CAMK1D: variants seen among roughly 807,000 people sequenced by gnomAD.
CAMK1D encodes calcium/calmodulin dependent protein kinase ID.
CAMK1D carries 9 observed loss-of-function variants against 47.7 expected under a neutral mutation model. That is an observed-to-expected ratio of 0.19 (90% confidence interval 0.11 to 0.33). The LOEUF (loss-of-function observed/expected upper bound fraction) is 0.33. Ranked by LOEUF, CAMK1D falls within the 10% of genes least tolerant of loss-of-function variation. The pLI is 1.00. For synonymous variants in CAMK1D, 184 were observed against 184.9 expected, an observed-to-expected ratio of 0.99 and a Z score of 0.04; for missense variants, 291 against 488.7, an observed-to-expected ratio of 0.60 and a Z score of 3.81.
intron 1 of CAMK1D, among the ~76,000 whole-genome samples, chr10:12,487,656 C>T (rs768787860): frequency 2.0e-5 from 3 of 152,224 alleles, no homozygotes; most frequent in African/African-American, 4.8e-5. Context: ...AAAGGTGTCA[C>T]GTAACTGGAA....
intron 1 of CAMK1D, among the ~76,000 whole-genome samples, chr10:12,374,992 A>G (rs1234380530): frequency 6.7e-6 from 1 of 150,364 alleles, no homozygotes; most frequent in Non-Finnish European, 1.5e-5. Flanking sequence ...TGGGGGTCTC[A>G]CTATGTGTTG....
intron 1 of CAMK1D, among the ~76,000 whole-genome samples, chr10:12,552,444 A>G (rs1219497017): frequency 6.6e-6 from 1 of 152,144 alleles, no homozygotes; most frequent in Non-Finnish European, 1.5e-5. Flanking sequence ...GGAAGAGTCC[A>G]GTGTTTGCAG....
At chr10:12,767,206 T>G (rs557964883) in intron 4 of CAMK1D, among the ~76,000 whole-genome samples, 10 of 152,154 alleles carry the variant, frequency 6.6e-5, no homozygotes, top group Non-Finnish European at 1.2e-4. Flanking sequence ...AGACAGAGTT[T>G]CACTCTTTTT....
At chr10:12,488,212 T>C (rs945914128) in intron 1 of CAMK1D, among the ~76,000 whole-genome samples, 11 of 152,114 alleles carry the variant, frequency 7.2e-5, no homozygotes, top group Admixed American at 2.0e-4. Flanking sequence ...GATGGAGGCC[T>C]TCCAAGCCCC....
intron 1 of CAMK1D, among the ~76,000 whole-genome samples, chr10:12,382,276 A>G (rs1838367935): frequency 6.6e-6 from 1 of 152,108 alleles, no homozygotes; most frequent in Non-Finnish European, 1.5e-5. Flanking sequence ...GCCTCTCACT[A>G]TATAGTCAGC....
At position 12,616,049 on chromosome 10, in the gene CAMK1D, G is replaced by A. The variant is rs1340001700; in HGVS notation, c.225-50687G>A. Among the ~76,000 whole-genome samples the A allele has an allele frequency of 1.3e-4, 19 of 151,462 alleles. No homozygotes were observed. In the East Asian group the frequency reaches 2.0e-3, roughly 16 times the overall value. ...TGTGTGTGTGGGTGTGTGAGTGCAC[G>A]TGTTGGTTTATGATAGGCGTGTTTG... On this transcript the variant is annotated intron_variant, in intron 2 of 10. Coordinates refer to ENST00000619168, the MANE Select transcript of CAMK1D (RefSeq NM_153498.4).
At chr10:12,414,328 T>G (rs936474485) in intron 1 of CAMK1D, among the ~76,000 whole-genome samples, 7 of 152,132 alleles carry the variant, frequency 4.6e-5, no homozygotes, top group Non-Finnish European at 8.8e-5. Context: ...GTAAAGTGAG[T>G]TTACAAAGAA....
chr10:12,490,883 A>G (rs748654678), intron 1 of CAMK1D, among the ~76,000 whole-genome samples: 1 of 152,244 alleles, frequency 6.6e-6, no homozygotes, highest in African/African-American at 2.4e-5. Context: ...GACATACTGT[A>G]TGCACACATC....
chr10:12,690,271 A>G (rs1441720353), intron 3 of CAMK1D, among the ~76,000 whole-genome samples: 1 of 152,168 alleles, frequency 6.6e-6, no homozygotes, highest in Non-Finnish European at 1.5e-5. Flanking sequence ...GACTCATTTC[A>G]TATCTCAGTA....
intron 1 of CAMK1D, among the ~76,000 whole-genome samples, chr10:12,406,983 G>A (rs762688124): frequency 7.2e-5 from 11 of 152,122 alleles, no homozygotes; most frequent in South Asian, 4.1e-4. Context: ...TCTTTCTAGG[G>A]AAGGCTCCCT....
intron 2 of CAMK1D, among the ~76,000 whole-genome samples, chr10:12,599,032 G>C (rs1838226545): frequency 1.3e-5 from 2 of 152,164 alleles, no homozygotes. Context: ...AATTCAGAGA[G>C]GGGGTGTGAC....
In CAMK1D at chr10:12,537,992, A is replaced by G. The variant is rs1336291089; in HGVS notation, c.93-15233A>G. Among the ~76,000 whole-genome samples the G allele has an allele frequency of 2.6e-5, 4 of 152,170 alleles. No individual in the cohort carries two copies. In the East Asian group the frequency reaches 7.7e-4, roughly 29 times the overall value. ...CATTGGAACTCACTGACTGAATATC[A>G]CTTGCTGGATGCCGTATCAAATGCT... On this transcript the variant is annotated intron_variant, in intron 1 of 10. Coordinates refer to ENST00000619168, the MANE Select transcript of CAMK1D (RefSeq NM_153498.4).
chr10:12,409,098 C>T (rs1364604856), intron 1 of CAMK1D, among the ~76,000 whole-genome samples: 1 of 152,100 alleles, frequency 6.6e-6, no homozygotes, highest in African/African-American at 2.4e-5. Flanking sequence ...CTCAAATGAT[C>T]TGCCTGCCTC....
chr10:12,635,009 G>A (rs12246307), intron 2 of CAMK1D, among the ~76,000 whole-genome samples: 4 of 152,120 alleles, frequency 2.6e-5, no homozygotes, highest in Non-Finnish European at 4.4e-5. Context: ...GGATGCAGCC[G>A]TGACCCAGAC....
chr10:12,729,884 C>A (rs11257961), intron 3 of CAMK1D, among the ~76,000 whole-genome samples: 1 of 151,872 alleles, frequency 6.6e-6, no homozygotes, highest in African/African-American at 2.4e-5. Flanking sequence ...CTGGTGAGGT[C>A]GGGGACAAAA....
intron 1 of CAMK1D, among the ~76,000 whole-genome samples, chr10:12,453,536 G>C (rs1236204140): frequency 1.3e-5 from 2 of 152,154 alleles, no homozygotes; most frequent in Non-Finnish European, 2.9e-5. Context: ...TGTATGGCTA[G>C]ATCATATTTC....
chr10:12,514,045 T>C (rs1835115575), intron 1 of CAMK1D, among the ~76,000 whole-genome samples: 1 of 152,220 alleles, frequency 6.6e-6, no homozygotes, highest in Admixed American at 6.5e-5. Context: ...CAGGCATTTG[T>C]CACTGCCCCC....
intron 1 of CAMK1D, among the ~76,000 whole-genome samples, chr10:12,489,885 G>A (rs1408780767): frequency 6.6e-6 from 1 of 152,192 alleles, no homozygotes; most frequent in Non-Finnish European, 1.5e-5. Context: ...CCCTGCAGCT[G>A]CCAGACGCCC....
intron 1 of CAMK1D, among the ~76,000 whole-genome samples, chr10:12,441,831 G>A (rs765717915): frequency 2.0e-5 from 3 of 151,902 alleles, no homozygotes; most frequent in Non-Finnish European, 2.9e-5. Flanking sequence ...ACTCTTCCCC[G>A]CACCCACAAG....
Sources: gnomAD v4.1 joint callset for allele counts (sites outside exome capture counted in the v4.1 genomes callset) on GRCh38, gnomAD v4.1.1 for gene constraint, MANE v1.5 for transcripts, NCBI Gene and HGNC (gene_info 2026-07-23, HGNC 2026-07-21) for gene names.